The following PAK4 variants were observed in gnomAD, a reference collection of about 807,000 sequenced individuals.
The protein encoded by PAK4 is serine/threonine-protein kinase PAK 4.
A neutral mutation model predicts 53.5 loss-of-function variants in PAK4; 49 were observed. The observed-to-expected ratio is 0.92, with a 90% confidence interval of 0.73 to 1.16. The LOEUF (loss-of-function observed/expected upper bound fraction) is 1.16, where lower values mean the gene tolerates loss of function less well. PAK4 is among the 50% of genes most tolerant of loss of function. PAK4 has a pLI of 0.00. For synonymous variants in PAK4, 376 were observed against 375.6 expected, an observed-to-expected ratio of 1.00 and a Z score of -0.01; for missense variants, 824 against 850.7, an observed-to-expected ratio of 0.97 and a Z score of 0.39.
In PAK4 at chr19:39,169,622, G is replaced by C. The variant is rs199597836; in HGVS notation, c.69G>C (p.Thr23=). 8 of 1,613,774 alleles carry C rather than the reference G, an allele frequency of 5.0e-6. No individual in the cohort carries two copies. The African/African-American group carries it at 9.3e-5, about 19-fold the overall frequency. ...CCAACTTCGAGCACCGCGTGCACACGGGCTTCGACCAGCACGAGCAGAAGT... is the reference window on the plus strand; with the variant it reads ...CCAACTTCGAGCACCGCGTGCACACCGGCTTCGACCAGCACGAGCAGAAGT... Residue 23 remains threonine, a synonymous_variant, in exon 2 of 9, where the codon ACG becomes ACC. Coordinates refer to ENST00000358301, the Ensembl canonical transcript of PAK4.
intron 6 of PAK4, 62 bp from the exon 8 acceptor site, chr19:39,176,528 G>A (rs567373742): frequency 7.5e-6 from 12 of 1,605,750 alleles, no homozygotes; most frequent in African/African-American, 5.3e-5. Flanking sequence ...GCAGGCAGAC[G>A]CCCCTGCTCG....
Position 39,150,936 on chromosome 19 carries a change from G to A in PAK4, c.-22-18596G>A, listed in dbSNP as rs527527961. Among the ~76,000 whole-genome samples the A allele has an allele frequency of 1.4e-3, 218 of 152,110 alleles. 2 individuals carry two copies. The highest frequency in any genetic ancestry group is 5.1e-3 in the African/African-American group (211 of 41,506). On this transcript the variant is annotated intron_variant, in intron 1 of 8. Coordinates refer to ENST00000358301, the Ensembl canonical transcript of PAK4. ...TTGACTATAAGCCTGATGGGGTAGG[G>A]CCCACACTGCACTTCTGCCCCCGCA...
Position 39,169,775 on chromosome 19 carries a change from CCACCTCCCCCAGCCCA to C in PAK4, c.204+20_204+35del. ...CCCCCAAGGTATGTGGCACCCACCACCACCTCCCCCAGCCCACCCCAACCCCCGAGTGGCCCTGGCC... is the reference window on the plus strand; with the variant it reads ...CCCCCAAGGTATGTGGCACCCACCACCCCCAACCCCCGAGTGGCCCTGGCC... On this transcript the variant is annotated intron_variant, in intron 2 of 8. Coordinates refer to ENST00000358301, the Ensembl canonical transcript of PAK4. The C allele has an allele frequency of 6.4e-7, 1 of 1,561,762 alleles. No individual in the cohort carries two copies. The highest frequency in any genetic ancestry group is 8.7e-7 in the Non-Finnish European group (1 of 1,149,442).
chr19:39,172,804 CGTCTCTGTCTT>C, intron 2 of PAK4, 103 bp from the exon 4 acceptor site: 1 of 886,238 alleles, frequency 1.1e-6, no homozygotes, highest in Non-Finnish European at 1.7e-6. Context: ...CTCTTCATTG[CGTCTCTGTCTT>C]GTCTCTGTGT....
rs566244113 is a variant in PAK4, at chr19:39,171,228, G to A, written c.204+1471G>A. ...TGTTGGTTTTTTTTTTTTTTTTTTT[G>A]AGAGACATTCCTGCTCTGTCTCCCT... On this transcript the variant is annotated intron_variant, in intron 2 of 8. Transcript: ENST00000358301. 5.9e-5 allele frequency among the ~76,000 whole-genome samples: 4 copies of A among 67,970 alleles called. No individual in the cohort carries two copies. The South Asian group carries it at 1.5e-3, about 25-fold the overall frequency. 44.6% of individuals were successfully genotyped at this position (67,970 alleles called of 152,430 possible).
chr19:39,177,982 G>T (rs1292226622), intron 8 of PAK4, among the ~76,000 whole-genome samples, 173 bp downstream of exon 9: 2 of 152,216 alleles, frequency 1.3e-5, no homozygotes, highest in African/African-American at 4.8e-5. Flanking sequence ...CCCTCTGTGG[G>T]GCCTGGGCGA....
rs1024027945 is a variant in PAK4 at position 39,178,339 on chromosome 19, G to A, written c.1621-85G>A. On this transcript the variant is annotated intron_variant, in intron 8 of 8. Coordinates refer to ENST00000358301, the Ensembl canonical transcript of PAK4. The surrounding 1 kb of genome is among the most constrained non-coding windows in gnomAD (Gnocchi z 4.4). ...TCCTGCACAGTACATGCCGCCAGCC[G>A]ACTTGGCAGAGGCGGACACTGCAGC... The A allele has an allele frequency of 6.0e-5, 88 of 1,458,496 alleles. No homozygotes were observed. Among genetic ancestry groups the A allele is most frequent in the Non-Finnish European group, 7.1e-5 (77 of 1,077,802 alleles). The allele number at this position is 1,458,496 out of a possible 1,614,324, so 90.3% of individuals were successfully genotyped here.
Position 39,132,814 on chromosome 19 carries a change from A to G in PAK4, c.-23+6895A>G, listed in dbSNP as rs563605771. 2.0e-5 allele frequency among the ~76,000 whole-genome samples: 3 copies of G among 152,386 alleles called. No homozygotes were observed. In the East Asian group the frequency reaches 5.8e-4, roughly 29 times the overall value. On this transcript the variant is annotated intron_variant, in intron 1 of 8. Transcript: ENST00000358301. ...GGGGTTTCCTCACTCCCTTGCTGGA[A>G]TAGACGGGTGTCACCTGACATTCTC...
chr19:39,134,436 G>GTA (rs2073772840), intron 1 of PAK4, among the ~76,000 whole-genome samples: 1 of 152,102 alleles, frequency 6.6e-6, no homozygotes, highest in Non-Finnish European at 1.5e-5. Context: ...TTACCATGAG[G>GTA]TATGCATCCT....
chr19:39,148,881 A>G (rs1441824313), intron 1 of PAK4, among the ~76,000 whole-genome samples: 1 of 151,768 alleles, frequency 6.6e-6, no homozygotes, highest in Non-Finnish European at 1.5e-5. Context: ...TGGCATGTGG[A>G]TGTCCAGTTG....
At chr19:39,169,820 A>C in intron 2 of PAK4, 63 bp downstream of exon 3, 1 of 1,094,266 alleles carries the variant, frequency 9.1e-7, no homozygotes, top group Non-Finnish European at 1.2e-6. Flanking sequence ...CCTGGCCCTC[A>C]ACCCCACACT....
intron 1 of PAK4, among the ~76,000 whole-genome samples, chr19:39,163,040 T>C (rs1396252540): frequency 6.6e-6 from 1 of 152,018 alleles, no homozygotes; most frequent in Non-Finnish European, 1.5e-5. Flanking sequence ...CTTGGGGGAC[T>C]CAGGACAGCG....
intron 1 of PAK4, among the ~76,000 whole-genome samples, chr19:39,152,629 TCA>T (rs1291184068): frequency 6.6e-6 from 1 of 152,164 alleles, no homozygotes; most frequent in African/African-American, 2.4e-5. Flanking sequence ...GGGTTTACTG[TCA>T]CACCTCAAAC....
At chr19:39,128,033 A>G (rs1375008196) in intron 1 of PAK4, among the ~76,000 whole-genome samples, 1 of 152,142 alleles carries the variant, frequency 6.6e-6, no homozygotes, top group East Asian at 1.9e-4. Flanking sequence ...GAGTACCTGT[A>G]TGTGTGGAGC....
At position 39,144,062 on chromosome 19, in the gene PAK4, T is replaced by C. The variant is rs146292463; in HGVS notation, c.-23+18143T>C. Among the ~76,000 whole-genome samples, 449 of 151,996 alleles carry C rather than the reference T, an allele frequency of 3.0e-3. 1 individual carries two copies. The highest frequency in any genetic ancestry group is 5.2e-3 in the Admixed American group (80 of 15,254). ...AAACCTATGATGATAGATAGATAGA[T>C]AGATAAGATAGAGCGAGCAAGACCC... On this transcript the variant is annotated intron_variant, in intron 1 of 8. Coordinates refer to ENST00000358301, the Ensembl canonical transcript of PAK4.
chr19:39,175,017 G>A lies in PAK4; in HGVS notation c.1185G>A (p.Met395Ile). The stretch of plus-strand genomic sequence containing the variant: ...TGGGGGACGAGCTCTGGGTGGTCAT[G>A]GAGTTCCTGGAAGGAGGCGCCCTCA... The change falls in exon 5 of 9, where the codon ATG becomes ATA. Residue 395 changes from methionine to isoleucine, a missense_variant. Transcript: ENST00000358301. The surrounding 1 kb of genome is among the most constrained non-coding windows in gnomAD (Gnocchi z 4.7). 6.2e-7 allele frequency: 1 copy of A among 1,613,812 alleles called. No homozygotes were observed.
chr19:39,157,726 CGAG>C (rs1227905036), intron 1 of PAK4, among the ~76,000 whole-genome samples: 1 of 152,264 alleles, frequency 6.6e-6, no homozygotes, highest in Non-Finnish European at 1.5e-5. Flanking sequence ...CGGGCCGCCG[CGAG>C]GTGCTCAGGA....
In PAK4 at chr19:39,178,650, C is replaced by G. The variant is rs1414567722; in HGVS notation, c.*71C>G. ...CCGCCCCACTGAGGCCAGTAGGGGG[C>G]CAGGCCTCCCACTCCTCCCAGCCCG... On this transcript the variant is annotated 3_prime_UTR_variant, in exon 9 of 9. Transcript: ENST00000358301. The surrounding 1 kb of genome is among the most constrained non-coding windows in gnomAD (Gnocchi z 4.4). The G allele has an allele frequency of 8.9e-6, 12 of 1,352,706 alleles. No individual in the cohort carries two copies. The highest frequency in any genetic ancestry group is 1.2e-5 in the Non-Finnish European group (12 of 991,906). The allele number at this position is 1,352,706 out of a possible 1,614,324, so 83.8% of individuals were successfully genotyped here.
chr19:39,149,242 C>G (rs1219331552), intron 1 of PAK4, among the ~76,000 whole-genome samples: 2 of 152,226 alleles, frequency 1.3e-5, no homozygotes. Context: ...GTGGAAACAG[C>G]TCCGTGTCCA....
Sources: allele counts gnomAD v4.1 joint callset (sites outside exome capture counted in the v4.1 genomes callset), GRCh38; gene constraint gnomAD v4.1.1; non-coding constraint Gnocchi (gnomAD v3.1); transcripts MANE v1.5; gene names NCBI Gene and HGNC (gene_info 2026-07-23, HGNC 2026-07-21).